Variants in DENND5B observed in about 807,000 individuals in gnomAD.
DENND5B encodes the protein DENN domain-containing protein 5B.
Under a neutral mutation model 140.6 loss-of-function variants are expected in DENND5B, and 34 were observed. That is an observed-to-expected ratio of 0.24 (90% CI 0.18 to 0.32). The LOEUF (loss-of-function observed/expected upper bound fraction) is 0.32. Among genes scored for constraint, DENND5B ranks in the 10% least tolerant of loss-of-function variants. DENND5B has a pLI of 1.00. For missense variants in DENND5B, 1,142 were observed against 1,560.2 expected (o/e 0.73, Z 4.52); for synonymous variants, 551 against 562.1 (o/e 0.98, Z 0.28).
intron 7 of DENND5B, among the ~76,000 whole-genome samples, chr12:31,438,122 C>G (rs1047375244): frequency 6.6e-6 from 1 of 152,122 alleles, no homozygotes; most frequent in African/African-American, 2.4e-5. Flanking sequence ...ATTACAGGCT[C>G]CAGCCACCGT....
intron 2 of DENND5B, among the ~76,000 whole-genome samples, chr12:31,483,263 T>C (rs1946139964): frequency 1.3e-5 from 2 of 152,204 alleles, no homozygotes; most frequent in Non-Finnish European, 2.9e-5. Flanking sequence ...TGGGAAACTT[T>C]TTCTATAAAG....
At chr12:31,389,173 G>A (rs1941000351) in intron 20 of DENND5B, 151 bp downstream of exon 20, 1 of 682,062 alleles carries the variant, frequency 1.5e-6, no homozygotes, top group Non-Finnish European at 2.2e-6. Context: ...CTCCAGCCTA[G>A]GCGATGGAGT....
At chr12:31,495,732 C>T in intron 2 of DENND5B, 78 bp downstream of exon 2, 2 of 1,091,618 alleles carry the variant, frequency 1.8e-6, no homozygotes, top group South Asian at 3.4e-5. Context: ...GGTAGACATT[C>T]AAAATACAGT....
At chr12:31,416,759 G>A (rs1942761803) in intron 11 of DENND5B, among the ~76,000 whole-genome samples, 1 of 151,968 alleles carries the variant, frequency 6.6e-6, no homozygotes, top group Non-Finnish European at 1.5e-5. Flanking sequence ...CACTTTGGGA[G>A]GCCAAGGCAG....
At chr12:31,499,496 C>T (rs547740906) in intron 1 of DENND5B, 1 of 799,362 alleles carries the variant, frequency 1.3e-6, no homozygotes, top group Non-Finnish European at 1.7e-6. Flanking sequence ...AAAATAACAT[C>T]TACAAGTCTG....
rs368523636 is a variant in DENND5B, at chr12:31,455,581, A to C, written c.1093-3105T>G. ...TGCTTCTCACTTTTAACACCATTAA[A>C]TTAAAAAAAATTCAGAAGAGCTCAA... On this transcript the variant is annotated intron_variant, in intron 4 of 20. Coordinates refer to ENST00000389082, the MANE Select transcript of DENND5B (RefSeq NM_144973.4). 5.9e-5 allele frequency among the ~76,000 whole-genome samples: 9 copies of C among 152,366 alleles called. No individual in the cohort carries two copies. In the East Asian group the frequency reaches 1.3e-3, roughly 23 times the overall value.
chr12:31,506,818 T>G (rs1207824498), intron 1 of DENND5B, among the ~76,000 whole-genome samples: 1 of 152,218 alleles, frequency 6.6e-6, no homozygotes, highest in Non-Finnish European at 1.5e-5. Context: ...TTTCCATGCC[T>G]TCTTCTTGTG....
chr12:31,562,973 T>A (rs1949526240), intron 1 of DENND5B, among the ~76,000 whole-genome samples: 1 of 152,152 alleles, frequency 6.6e-6, no homozygotes, highest in South Asian at 2.1e-4. Context: ...TAGATAAGGC[T>A]TCCTCTGCCC....
At chr12:31,412,891 T>C (rs1942540724) in intron 13 of DENND5B, among the ~76,000 whole-genome samples, 1 of 152,180 alleles carries the variant, frequency 6.6e-6, no homozygotes, top group Non-Finnish European at 1.5e-5. Context: ...TTGTGTGAAC[T>C]AGCCAGCTTT....
At chr12:31,563,906 C>A (rs1740815365) in intron 1 of DENND5B, among the ~76,000 whole-genome samples, 1 of 152,164 alleles carries the variant, frequency 6.6e-6, no homozygotes, top group African/African-American at 2.4e-5. Flanking sequence ...CACTTGAAGT[C>A]AGGAGTTCAA....
At chr12:31,537,941 T>C (rs1246601074) in intron 1 of DENND5B, among the ~76,000 whole-genome samples, 1 of 152,148 alleles carries the variant, frequency 6.6e-6, no homozygotes, top group East Asian at 1.9e-4. Context: ...GATGTAACAA[T>C]TGTAATTGTA....
chr12:31,535,097 A>C (rs1591998659), intron 1 of DENND5B: 1 of 310,492 alleles, frequency 3.2e-6, no homozygotes, highest in East Asian at 1.1e-4. Flanking sequence ...AAAAAAAAAA[A>C]AAAAAGGCTT....
At chr12:31,493,415 C>T (rs1452700566) in intron 2 of DENND5B, among the ~76,000 whole-genome samples, 1 of 152,022 alleles carries the variant, frequency 6.6e-6, no homozygotes, top group East Asian at 1.9e-4. Context: ...AAAAAGAGGC[C>T]GGGTGCAGTG....
At chr12:31,418,851 G>A (rs987180243) in intron 11 of DENND5B, among the ~76,000 whole-genome samples, 3 of 152,132 alleles carry the variant, frequency 2.0e-5, no homozygotes, top group African/African-American at 7.2e-5. Context: ...TGTTGCCCAG[G>A]CTGGTCTCAA....
At position 31,392,617 on chromosome 12, in the gene DENND5B, T is replaced by C. The variant is rs1941208769; in HGVS notation, c.3336A>G (p.Lys1112=). Residue 1112 remains lysine (K), a synonymous_variant, in exon 18 of 21, where the codon AAA becomes AAG. Coordinates refer to ENST00000389082, the MANE Select transcript of DENND5B (RefSeq NM_144973.4). The part of the protein sequence containing the change: ...NIVKHFHKPE[K]ERGSLTVLLC... ...AAGTTTTATAGCCCATAAATACCTC[T>C]TTTTCAGGTTTATGAAAATGTTTCA... The C allele has an allele frequency of 6.4e-7, 1 of 1,555,540 alleles. No individual in the cohort carries two copies.
intron 1 of DENND5B, among the ~76,000 whole-genome samples, chr12:31,568,254 T>G (rs999503678): frequency 1.3e-5 from 2 of 152,246 alleles, no homozygotes; most frequent in Non-Finnish European, 2.9e-5. Flanking sequence ...GTGAATTTCA[T>G]GTTTAGACTT....
chr12:31,456,412 C>T (rs1944783047), intron 4 of DENND5B, among the ~76,000 whole-genome samples: 1 of 152,084 alleles, frequency 6.6e-6, no homozygotes, highest in East Asian at 1.9e-4. Flanking sequence ...ATGAAACCTT[C>T]CTATACCCTT....
At chr12:31,414,911 G>C (rs564725305) in intron 12 of DENND5B, among the ~76,000 whole-genome samples, 23 of 137,666 alleles carry the variant, frequency 1.7e-4, no homozygotes, top group African/African-American at 6.1e-4. Flanking sequence ...AACAGAATGA[G>C]ACGCCATCTC....
intron 1 of DENND5B, among the ~76,000 whole-genome samples, chr12:31,543,040 A>G (rs377304463): frequency 7.2e-5 from 11 of 152,246 alleles, no homozygotes; most frequent in African/African-American, 2.6e-4. Flanking sequence ...CTCTACAAAA[A>G]ATACAAAAAC....
Sources: allele counts gnomAD v4.1 joint callset (sites outside exome capture counted in the v4.1 genomes callset), GRCh38; gene constraint gnomAD v4.1.1; transcripts MANE v1.5; gene names NCBI Gene and HGNC (gene_info 2026-07-23, HGNC 2026-07-21).